HPRT1: variants seen among roughly 807,000 people sequenced by gnomAD.
HPRT1 encodes the protein hypoxanthine phosphoribosyltransferase 1.
In HPRT1, 4 loss-of-function variants were observed where a neutral mutation model predicts 19.0. The observed-to-expected ratio is 0.21, with a 90% CI of 0.10 to 0.48. The LOEUF is 0.48. Among genes scored for constraint, HPRT1 ranks in the 20% least tolerant of loss-of-function variants. HPRT1 has a pLI of 0.98. For synonymous variants in HPRT1, 53 were observed against 54.9 expected, an observed-to-expected ratio of 0.97 and a Z score of 0.15; for missense variants, 65 against 164.0, an observed-to-expected ratio of 0.40 and a Z score of 3.30.
chrX:134,474,039 A>G (rs2124290675), intron 2 of HPRT1, among the ~76,000 whole-genome samples: 1 of 112,401 alleles, frequency 8.9e-6, no homozygotes, highest in Admixed American at 9.5e-5. Flanking sequence ...ATGCATGTAT[A>G]CTATATGCAA....
chrX:134,486,714 A>G (rs1239897079), intron 4 of HPRT1, 184 bp downstream of exon 4: 8 of 442,776 alleles, frequency 1.8e-5, no homozygotes, highest in Non-Finnish European at 3.4e-5. Context: ...AGTAGAATCC[A>G]ACATTAACCT....
At position 134,460,226 on chromosome X, in the gene HPRT1, C is replaced by T; in HGVS notation, c.-86C>T. ...TCTCGGCTTTCCCGCGCGGCGCCGC[C>T]TCTTGCTGCGCCTCCGCCTCCTCCT... On this transcript the variant is annotated 5_prime_UTR_variant, in exon 1 of 9. Coordinates refer to ENST00000298556, the MANE Select transcript of HPRT1 (RefSeq NM_000194.3). The T allele has an allele frequency of 9.8e-7, 1 of 1,018,592 alleles. No individual in the cohort carries two copies. Among genetic ancestry groups the T allele is most frequent in the Non-Finnish European group, 1.3e-6 (1 of 764,112 alleles). 83.9% of individuals were successfully genotyped at this position (1,018,592 alleles called of 1,213,427 possible). A position where few individuals can be genotyped will look rare whatever the true frequency, so the allele number is the denominator to read the frequency against.
At chrX:134,486,065 G>A (rs1007440321) in intron 3 of HPRT1, among the ~76,000 whole-genome samples, 4 of 111,269 alleles carry the variant, frequency 3.6e-5, no homozygotes, top group African/African-American at 6.5e-5. Context: ...CATGGGAATC[G>A]TACAGGGCCA....
chrX:134,464,770 T>C (rs2077592630), intron 1 of HPRT1, among the ~76,000 whole-genome samples: 1 of 107,851 alleles, frequency 9.3e-6, no homozygotes, highest in Non-Finnish European at 1.9e-5. Context: ...GATTTCACCG[T>C]GTTGGCCAGG....
chrX:134,462,356 A>T (rs2077586637), intron 1 of HPRT1, among the ~76,000 whole-genome samples: 1 of 109,462 alleles, frequency 9.1e-6, no homozygotes, highest in African/African-American at 3.3e-5. Flanking sequence ...AATTTTTTGT[A>T]TTTTTAATAG....
In HPRT1 at chrX:134,486,456, T is replaced by C; in HGVS notation, c.319-9T>C. On this transcript the variant is annotated splice_polypyrimidine_tract_variant and intron_variant, in intron 3 of 8. Coordinates refer to ENST00000298556, the MANE Select transcript of HPRT1 (RefSeq NM_000194.3). ...ATATATATATATAGTTTTTTTTTTTTTTAACTAGAATGACCAGTCAACAGG... is the reference window on the plus strand; with the variant it reads ...ATATATATATATAGTTTTTTTTTTTCTTAACTAGAATGACCAGTCAACAGG... 2.9e-6 allele frequency: 3 copies of C among 1,044,339 alleles called. No homozygotes were observed. The highest frequency in any genetic ancestry group is 3.4e-4 in the Middle Eastern group (1 of 2,921). The allele number at this position is 1,044,339 out of a possible 1,213,427, so 86.1% of individuals were successfully genotyped here. A position where few individuals can be genotyped will look rare whatever the true frequency, so the allele number is the denominator to read the frequency against.
At chrX:134,466,482 A>C (rs967965013) in intron 1 of HPRT1, among the ~76,000 whole-genome samples, 1 of 109,853 alleles carries the variant, frequency 9.1e-6, no homozygotes, top group East Asian at 2.8e-4. Context: ...GTGAGCACAC[A>C]GTTAGAAGAC....
At chrX:134,493,205 G>A (rs1237770083) in intron 5 of HPRT1, among the ~76,000 whole-genome samples, 1 of 110,953 alleles carries the variant, frequency 9.0e-6, no homozygotes, top group African/African-American at 3.3e-5. Context: ...TTGAATTTAT[G>A]GGAAAAATTC....
chrX:134,489,368 T>C (rs957965061), intron 4 of HPRT1, among the ~76,000 whole-genome samples: 2 of 111,890 alleles, frequency 1.8e-5, no homozygotes, highest in African/African-American at 6.5e-5. Context: ...CCAGTGGATC[T>C]TTTGTGCCTT....
In HPRT1 at chrX:134,499,975, C is replaced by A. The variant is rs2077691296; in HGVS notation, c.610-55C>A. On this transcript the variant is annotated intron_variant, in intron 8 of 8. Transcript: ENST00000298556. Reference sequence around the variant, plus strand: ...TCTTATATGTAAAATGCTATTCTTGCCTTTCATTTCAGAATATACTTTTTA... The same window carrying A: ...TCTTATATGTAAAATGCTATTCTTGACTTTCATTTCAGAATATACTTTTTA... 8 of 797,742 alleles carry A rather than the reference C, an allele frequency of 1.0e-5. No homozygotes were observed. In the East Asian group the frequency reaches 2.2e-4, roughly 22 times the overall value. The allele number at this position is 797,742 out of a possible 1,213,427, so 65.7% of individuals were successfully genotyped here. A position where few individuals can be genotyped will look rare whatever the true frequency, so the allele number is the denominator to read the frequency against.
intron 3 of HPRT1, among the ~76,000 whole-genome samples, chrX:134,486,229 G>C (rs780036522): frequency 9.0e-6 from 1 of 110,866 alleles, no homozygotes; most frequent in African/African-American, 3.3e-5. Flanking sequence ...GGCCGATTAG[G>C]ACTTTTTAAT....
At chrX:134,463,921 T>C (rs2077590420) in intron 1 of HPRT1, among the ~76,000 whole-genome samples, 1 of 112,247 alleles carries the variant, frequency 8.9e-6, no homozygotes. Context: ...TCACTACTAC[T>C]AAGATAATCT....
At chrX:134,487,148 A>G (rs1189561183) in intron 4 of HPRT1, among the ~76,000 whole-genome samples, 2 of 111,613 alleles carry the variant, frequency 1.8e-5, no homozygotes, top group Non-Finnish European at 3.8e-5. Flanking sequence ...GAAATCTCAA[A>G]GAGTTTTCTT....
chrX:134,491,590 T>A (rs1340456217), intron 5 of HPRT1, among the ~76,000 whole-genome samples: 2 of 110,905 alleles, frequency 1.8e-5, no homozygotes, highest in South Asian at 7.7e-4. Flanking sequence ...TTGCTCCTTA[T>A]TTCTCGTACC....
chrX:134,499,353 C>T (rs1278886545), intron 8 of HPRT1, among the ~76,000 whole-genome samples: 1 of 110,814 alleles, frequency 9.0e-6, no homozygotes, highest in Non-Finnish European at 1.9e-5. Context: ...GTGGTGTGTG[C>T]CTGTAACCCA....
intron 1 of HPRT1, among the ~76,000 whole-genome samples, chrX:134,466,537 G>T (rs1471675057): frequency 9.0e-6 from 1 of 111,000 alleles, no homozygotes; most frequent in Non-Finnish European, 1.9e-5. Flanking sequence ...TACCTTGCAG[G>T]TACCTTAATT....
At chrX:134,467,618 T>C (rs754496491) in intron 1 of HPRT1, among the ~76,000 whole-genome samples, 3 of 111,270 alleles carry the variant, frequency 2.7e-5, no homozygotes, top group East Asian at 2.8e-4. Flanking sequence ...CTAGCTCTTA[T>C]AGAGATTGAG....
rs193202752 is a variant in HPRT1, at chrX:134,464,560, A to G, written c.27+4222A>G. Reference sequence around the variant, plus strand: ...TTGTTATACCTCTTTTAATTCACATAGCTCATTTTTATCTTTTATTTTTGT... The same window carrying G: ...TTGTTATACCTCTTTTAATTCACATGGCTCATTTTTATCTTTTATTTTTGT... On this transcript the variant is annotated intron_variant, in intron 1 of 8. Transcript: ENST00000298556. Among the ~76,000 whole-genome samples the G allele has an allele frequency of 3.3e-3, 371 of 111,931 alleles. 2 individuals are homozygous for G. Among genetic ancestry groups the G allele is most frequent in the African/African-American group, 0.011 (352 of 30,863 alleles).
chrX:134,480,641 G>A (rs1343562149), intron 3 of HPRT1, among the ~76,000 whole-genome samples: 2 of 104,413 alleles, frequency 1.9e-5, no homozygotes, highest in African/African-American at 7.0e-5. Context: ...TAGAGATAGG[G>A]TCTTGCTGTG....
Sources: gnomAD v4.1 joint callset for allele counts (sites outside exome capture counted in the v4.1 genomes callset) on GRCh38, gnomAD v4.1.1 for gene constraint, MANE v1.5 for transcripts, NCBI Gene and HGNC (gene_info 2026-07-23, HGNC 2026-07-21) for gene names.